The following MICU1 variants were observed in gnomAD, a reference collection of about 807,000 sequenced individuals.
MICU1 encodes the protein mitochondrial calcium uptake 1, also known as calcium uptake protein 1, mitochondrial.
MICU1 carries 45 observed loss-of-function variants against 56.8 expected under a neutral mutation model. The ratio of observed to expected loss-of-function variants is 0.79; its 90% CI spans 0.62 to 1.02. The LOEUF is 1.02. Ranked by LOEUF, MICU1 falls within the 50% of genes least tolerant of loss-of-function variation. MICU1 has a pLI of 0.00. For synonymous variants in MICU1, 186 were observed against 195.1 expected (o/e 0.95, Z 0.39); for missense variants, 504 against 587.1 (o/e 0.86, Z 1.46).
chr10:72,457,782 A>T (rs1865518917), intron 8 of MICU1, among the ~76,000 whole-genome samples: 1 of 152,122 alleles, frequency 6.6e-6, no homozygotes, highest in African/African-American at 2.4e-5. Context: ...AAAAACACCA[A>T]TGGGTACAGT....
chr10:72,406,276 T>C (rs1486535778), intron 10 of MICU1, among the ~76,000 whole-genome samples: 1 of 152,114 alleles, frequency 6.6e-6, no homozygotes, highest in Admixed American at 6.6e-5. Flanking sequence ...TTTAAAAATA[T>C]ATGTGCAAGA....
intron 6 of MICU1, among the ~76,000 whole-genome samples, chr10:72,493,134 G>A (rs1866719757): frequency 6.6e-6 from 1 of 152,086 alleles, no homozygotes; most frequent in South Asian, 2.1e-4. Flanking sequence ...TGAAATAGCA[G>A]TAATTAGCAA....
At chr10:72,604,107 A>G (rs1482450223) in intron 1 of MICU1, among the ~76,000 whole-genome samples, 1 of 152,164 alleles carries the variant, frequency 6.6e-6, no homozygotes, top group Non-Finnish European at 1.5e-5. Flanking sequence ...GTCTCTTCCT[A>G]TATACATAAA....
intron 8 of MICU1, among the ~76,000 whole-genome samples, chr10:72,470,708 C>CG (rs112065165): frequency 0.045 from 6,854 of 151,478 alleles, 419 homozygotes; most frequent in East Asian, 0.19. Flanking sequence ...GAACTTTGAT[C>CG]GGGGGGGGTG....
At chr10:72,499,921 T>C (rs2132324108) in intron 6 of MICU1, among the ~76,000 whole-genome samples, 1 of 152,250 alleles carries the variant, frequency 6.6e-6, no homozygotes, top group Non-Finnish European at 1.5e-5. Context: ...AATAAGATAT[T>C]ACACAACTTC....
chr10:72,503,865 G>C (rs1273449057), intron 6 of MICU1, among the ~76,000 whole-genome samples: 1 of 146,302 alleles, frequency 6.8e-6, no homozygotes, highest in Non-Finnish European at 1.5e-5. Context: ...ATTTACAATA[G>C]ACACACACAC....
chr10:72,457,727 CAG>C (rs1157148842), intron 8 of MICU1, among the ~76,000 whole-genome samples: 2 of 151,190 alleles, frequency 1.3e-5, no homozygotes, highest in African/African-American at 2.4e-5. Context: ...GGGAGAGAGA[CAG>C]AGAGAGAGAC....
chr10:72,530,973 C>G (rs529213666), intron 5 of MICU1, among the ~76,000 whole-genome samples: 1 of 152,040 alleles, frequency 6.6e-6, no homozygotes, highest in Non-Finnish European at 1.5e-5. Context: ...TTTAAAACAT[C>G]CCAGGAAAAT....
intron 6 of MICU1, among the ~76,000 whole-genome samples, chr10:72,491,213 C>T (rs747054087): frequency 4.6e-5 from 7 of 152,088 alleles, no homozygotes; most frequent in Admixed American, 2.0e-4. Context: ...TGCAATAAGC[C>T]CCAATAGATA....
chr10:72,512,879 A>AT (rs1196100799), intron 5 of MICU1, among the ~76,000 whole-genome samples: 1 of 151,566 alleles, frequency 6.6e-6, no homozygotes, highest in East Asian at 1.9e-4. Flanking sequence ...TAATTTTTGT[A>AT]TTTTTTGTAG....
intron 10 of MICU1, among the ~76,000 whole-genome samples, chr10:72,380,070 A>G (rs1862649814): frequency 6.6e-6 from 1 of 152,106 alleles, no homozygotes; most frequent in African/African-American, 2.4e-5. Context: ...ATTTGCTTCC[A>G]ATATCTCTGA....
In MICU1 at chr10:72,368,062, G is replaced by T; in HGVS notation, c.*133C>A. On this transcript the variant is annotated 3_prime_UTR_variant, in exon 12 of 12. Transcript: ENST00000361114. ...CGGGGAAGGGTAAAGAGGGGAAACC[G>T]ACAGAGTCCTGAGGTCATCCCGGGA... 2.1e-6 allele frequency: 2 copies of T among 956,248 alleles called. No individual in the cohort carries two copies. The highest frequency in any genetic ancestry group is 3.0e-6 in the Non-Finnish European group (2 of 656,580). The allele number at this position is 956,248 out of a possible 1,614,324, so 59.2% of individuals were successfully genotyped here.
intron 1 of MICU1, 144 bp downstream of exon 1, chr10:72,625,866 C>T (rs967835229): frequency 6.6e-6 from 1 of 152,608 alleles, no homozygotes; most frequent in African/African-American, 2.4e-5. Flanking sequence ...GGTATCCCGC[C>T]AGACCCGAGA....
At chr10:72,510,878 C>T (rs1867425113) in intron 5 of MICU1, among the ~76,000 whole-genome samples, 1 of 152,178 alleles carries the variant, frequency 6.6e-6, no homozygotes, top group Non-Finnish European at 1.5e-5. Flanking sequence ...GTAATCCACC[C>T]ACCTTGGCCT....
chr10:72,492,741 C>T (rs576085789), intron 6 of MICU1, among the ~76,000 whole-genome samples: 14 of 140,906 alleles, frequency 9.9e-5, no homozygotes, highest in East Asian at 4.1e-4. Context: ...CCAGCCTGGG[C>T]GACAGAGCAA....
intron 5 of MICU1, among the ~76,000 whole-genome samples, chr10:72,513,619 C>T (rs1244520059): frequency 6.6e-6 from 1 of 152,086 alleles, no homozygotes; most frequent in Non-Finnish European, 1.5e-5. Flanking sequence ...TATTTCATTA[C>T]CAATCCAAGG....
chr10:72,486,541 G>A (rs555536091), intron 6 of MICU1, among the ~76,000 whole-genome samples: 3 of 152,274 alleles, frequency 2.0e-5, no homozygotes, highest in Non-Finnish European at 2.9e-5. Context: ...GTGCAATCAT[G>A]GCTTACTGAA....
intron 10 of MICU1, among the ~76,000 whole-genome samples, chr10:72,387,770 G>A (rs1862940807): frequency 9.4e-6 from 1 of 105,916 alleles, no homozygotes; most frequent in African/African-American, 2.7e-5. Context: ...CTTATCTGGT[G>A]CTTTTTTTTT....
At chr10:72,618,964 T>C (rs1042796368) in intron 1 of MICU1, among the ~76,000 whole-genome samples, 1 of 152,234 alleles carries the variant, frequency 6.6e-6, no homozygotes, top group Admixed American at 6.5e-5. Flanking sequence ...CAGAATGTAT[T>C]TTCATCTCTC....
Sources: gnomAD v4.1 joint callset for allele counts (sites outside exome capture counted in the v4.1 genomes callset) on GRCh38, gnomAD v4.1.1 for gene constraint, MANE v1.5 for transcripts, NCBI Gene and HGNC (gene_info 2026-07-23, HGNC 2026-07-21) for gene names.